Variants in DNAH3 observed in about 807,000 individuals in gnomAD.
DNAH3 encodes axonemal beta dynein heavy chain 3.
In DNAH3, 332 loss-of-function variants were observed where a neutral mutation model predicts 432.5. That is an observed-to-expected ratio of 0.77 (90% CI 0.70 to 0.84). DNAH3 has a LOEUF of 0.84. DNAH3 is among the 40% of genes least tolerant of loss of function. The probability of loss-of-function intolerance (pLI) is 0.00; values close to 1 mark genes in which losing one functional copy is unlikely to be tolerated. For synonymous variants in DNAH3, 1,956 were observed against 1,900.2 expected, an observed-to-expected ratio of 1.03 and a Z score of -0.76; for missense variants, 4,861 against 5,114.0, an observed-to-expected ratio of 0.95 and a Z score of 1.51.
At chr16:21,033,871 G>A (rs2089021467) in intron 36 of DNAH3, 103 bp downstream of exon 36, 8 of 715,114 alleles carry the variant, frequency 1.1e-5, no homozygotes, top group South Asian at 8.9e-5. Context: ...CTGACGTCAC[G>A]ATCGAGGCCT....
intron 7 of DNAH3, among the ~76,000 whole-genome samples, chr16:21,131,504 AGAAGGAAG>A (rs1243332610): frequency 4.6e-4 from 64 of 139,268 alleles, no homozygotes; most frequent in African/African-American, 1.2e-3. Flanking sequence ...GAGATGAGAG[AGAAGGAAG>A]GAAGGAAGGA....
chr16:20,975,645 G>C (rs1173792057), intron 50 of DNAH3, among the ~76,000 whole-genome samples: 1 of 152,220 alleles, frequency 6.6e-6, no homozygotes, highest in Non-Finnish European at 1.5e-5. Context: ...CTAGGCACTA[G>C]ACATATAATT....
intron 41 of DNAH3, among the ~76,000 whole-genome samples, chr16:21,011,524 T>C (rs1215361949): frequency 6.6e-6 from 1 of 151,896 alleles, no homozygotes; most frequent in Non-Finnish European, 1.5e-5. Flanking sequence ...GGCTGGCTAA[T>C]TTTTCTTTGT....
At chr16:21,057,501 C>T (rs1326574238) in intron 27 of DNAH3, among the ~76,000 whole-genome samples, 6 of 152,134 alleles carry the variant, frequency 3.9e-5, no homozygotes, top group East Asian at 1.9e-4. Context: ...GCTTGAGAGT[C>T]GGGTTAAGTT....
chr16:21,158,675 T>C (rs2092918765), intron 1 of DNAH3: 1 of 152,816 alleles, frequency 6.5e-6, no homozygotes, highest in African/African-American at 2.4e-5. Flanking sequence ...TCCTTCTTCC[T>C]CTTGTTCCTC....
chr16:21,134,478 C>T (rs2092614869), intron 6 of DNAH3, 24 bp from the exon 8 acceptor site: 1 of 1,604,750 alleles, frequency 6.2e-7, no homozygotes, highest in Non-Finnish European at 8.5e-7. Flanking sequence ...GGGCGAACAC[C>T]TCATTATTAA....
chr16:21,152,833 G>C (rs1353018466), intron 1 of DNAH3, among the ~76,000 whole-genome samples: 3 of 152,244 alleles, frequency 2.0e-5, no homozygotes, highest in African/African-American at 7.2e-5. Context: ...CTGCCTTCCC[G>C]CGGGGCAGGG....
chr16:21,009,678 A>T (rs970524590), intron 41 of DNAH3, among the ~76,000 whole-genome samples: 3 of 152,110 alleles, frequency 2.0e-5, no homozygotes, highest in African/African-American at 7.2e-5. Flanking sequence ...TGGAAGTTGG[A>T]GAACAGGCTG....
At chr16:21,145,373 T>A (rs772812550) in exon 3 of DNAH3, 1 of 1,614,138 alleles carries the variant, frequency 6.2e-7, no homozygotes, top group Non-Finnish European at 8.5e-7. Context: ...GTGCGTTGCA[T>A]CAAGGGCGGG....
intron 12 of DNAH3, among the ~76,000 whole-genome samples, chr16:21,113,452 C>CT (rs1555563079): frequency 7.3e-6 from 1 of 136,852 alleles, no homozygotes; most frequent in Admixed American, 7.6e-5. Context: ...TCACAGTTGT[C>CT]TTTAATTTTA....
At chr16:20,933,481 C>A in exon 62 of DNAH3, 2 of 1,603,940 alleles carry the variant, frequency 1.2e-6, no homozygotes, top group Non-Finnish European at 1.7e-6. Context: ...CGGGGTTATT[C>A]TCCATCACTG....
exon 46 of DNAH3, chr16:20,987,736 C>G (rs780583687): frequency 6.2e-7 from 1 of 1,614,096 alleles, no homozygotes; most frequent in Admixed American, 1.7e-5. Flanking sequence ...TTGAATCACT[C>G]GTGAGAAGTC....
chr16:21,089,290 C>A (rs544341937), intron 18 of DNAH3, among the ~76,000 whole-genome samples: 36 of 152,334 alleles, frequency 2.4e-4, no homozygotes, highest in African/African-American at 8.4e-4. Context: ...CATTGCAGAA[C>A]TTGCTGCTTA....
At position 21,019,836 on chromosome 16, in the gene DNAH3, T is replaced by TCC; in HGVS notation, c.5808_5809dup (p.Glu1937GlyfsTer3). ...TTGACTTGACAGGCCTTCACCTAATTCCATTTCCTCCTCTTCTACTGCCCT... is the reference window on the plus strand; with the variant it reads ...TTGACTTGACAGGCCTTCACCTAATTCCCCATTTCCTCCTCTTCTACTGCCCT... On this transcript the variant is annotated frameshift_variant, in exon 41 of 62. Coordinates refer to ENST00000261383, the Ensembl canonical transcript of DNAH3. LOFTEE classifies it high-confidence loss of function. 1 of 1,614,028 alleles carries TCC rather than the reference T, an allele frequency of 6.2e-7. No homozygotes were observed. Among genetic ancestry groups the TCC allele is most frequent in the South Asian group, 1.1e-5 (1 of 91,068 alleles).
chr16:21,153,656 C>G (rs914103147), intron 1 of DNAH3, among the ~76,000 whole-genome samples: 2 of 152,300 alleles, frequency 1.3e-5, no homozygotes, highest in African/African-American at 4.8e-5. Flanking sequence ...TGCAGCTTCA[C>G]TCCTGCGCCA....
chr16:20,980,367 T>A (rs1004237034), intron 49 of DNAH3, among the ~76,000 whole-genome samples: 6 of 124,624 alleles, frequency 4.8e-5, no homozygotes, highest in Non-Finnish European at 1.1e-4. Context: ...TATAAATATA[T>A]ATATATGTGG....
intron 8 of DNAH3, among the ~76,000 whole-genome samples, chr16:21,125,903 T>C (rs1445416142): frequency 6.6e-6 from 1 of 152,086 alleles, no homozygotes; most frequent in Non-Finnish European, 1.5e-5. Flanking sequence ...TCCCAGCACT[T>C]TGGGAGGCCG....
At chr16:20,959,337 T>G (rs768797540) in exon 54 of DNAH3, 19 of 1,614,188 alleles carry the variant, frequency 1.2e-5, no homozygotes, top group Admixed American at 1.0e-4. Context: ...GGCCTTGGCC[T>G]TGGCCAAGGG....
At chr16:20,984,027 C>CAGAAAAA (rs2086050383) in intron 48 of DNAH3, among the ~76,000 whole-genome samples, 1 of 61,370 alleles carries the variant, frequency 1.6e-5, no homozygotes, top group African/African-American at 6.6e-5. Flanking sequence ...ACCCTATATC[C>CAGAAAAA]AGAAAAAAAA....
Sources: gnomAD v4.1 joint callset for allele counts (sites outside exome capture counted in the v4.1 genomes callset) on GRCh38, gnomAD v4.1.1 for gene constraint, MANE v1.5 for transcripts, NCBI Gene and HGNC (gene_info 2026-07-23, HGNC 2026-07-21) for gene names.